Variants in RNF180 observed in about 807,000 individuals in gnomAD.
The protein encoded by RNF180 is E3 ubiquitin-protein ligase RNF180.
Under a neutral mutation model 59.2 loss-of-function variants are expected in RNF180, and 38 were observed. The ratio of observed to expected loss-of-function variants is 0.64; its 90% CI spans 0.50 to 0.84. RNF180 has a LOEUF of 0.84. Among genes scored for constraint, RNF180 ranks in the 40% least tolerant of loss-of-function variants. The probability of loss-of-function intolerance (pLI) is 0.00; values close to 1 mark genes in which losing one functional copy is unlikely to be tolerated. For missense variants in RNF180, 705 were observed against 700.9 expected, an observed-to-expected ratio of 1.01 and a Z score of -0.07; for synonymous variants, 262 against 240.3, an observed-to-expected ratio of 1.09 and a Z score of -0.84.
At chr5:64,246,885 G>C (rs377194497) in intron 5 of RNF180, among the ~76,000 whole-genome samples, 1 of 152,140 alleles carries the variant, frequency 6.6e-6, no homozygotes, top group Admixed American at 6.5e-5. Context: ...ACCGGAATCA[G>C]CAGCACATCA....
At chr5:64,308,702 AG>A (rs1662195943) in intron 5 of RNF180, among the ~76,000 whole-genome samples, 1 of 151,734 alleles carries the variant, frequency 6.6e-6, no homozygotes, top group Non-Finnish European at 1.5e-5. Context: ...AAAAATATAA[AG>A]GGGGATTTTT....
chr5:64,253,603 T>G (rs185291684), intron 5 of RNF180, among the ~76,000 whole-genome samples: 160 of 152,282 alleles, frequency 1.1e-3, no homozygotes, highest in African/African-American at 3.7e-3. Flanking sequence ...TTTTTTGTGC[T>G]TCATTCCATT....
intron 5 of RNF180, among the ~76,000 whole-genome samples, chr5:64,238,772 T>C (rs879608410): frequency 2.0e-5 from 3 of 152,200 alleles, no homozygotes; most frequent in Non-Finnish European, 2.9e-5. Flanking sequence ...ATGTTCTCCC[T>C]TTCTATAGAT....
intron 5 of RNF180, among the ~76,000 whole-genome samples, chr5:64,246,200 TA>T (rs1743151262): frequency 6.6e-6 from 1 of 151,832 alleles, no homozygotes; most frequent in African/African-American, 2.4e-5. Context: ...ACATCACAAT[TA>T]AAAGTACTAG....
intron 7 of RNF180, among the ~76,000 whole-genome samples, chr5:64,336,948 T>G (rs146541433): frequency 1.6e-4 from 24 of 152,228 alleles, no homozygotes; most frequent in African/African-American, 5.8e-4. Context: ...TTATTTAGGT[T>G]CTTCCCTATT....
At chr5:64,366,559 C>G in intron 7 of RNF180, among the ~76,000 whole-genome samples, 1 of 151,420 alleles carries the variant, frequency 6.6e-6, no homozygotes, top group East Asian at 1.9e-4. Flanking sequence ...GCTTCTCTCC[C>G]CATCTCTTTC....
intron 5 of RNF180, among the ~76,000 whole-genome samples, chr5:64,303,078 T>C (rs183930084): frequency 1.3e-5 from 2 of 151,800 alleles, no homozygotes; most frequent in Admixed American, 1.3e-4. Context: ...TGTTATAATA[T>C]CTGTTATGGT....
intron 5 of RNF180, among the ~76,000 whole-genome samples, chr5:64,317,420 G>T (rs2112497497): frequency 6.6e-6 from 1 of 152,108 alleles, no homozygotes; most frequent in East Asian, 1.9e-4. Flanking sequence ...ATTAGGAGAA[G>T]TGATGCCAAC....
chr5:64,279,327 T>G (rs903994411), intron 5 of RNF180, among the ~76,000 whole-genome samples: 2 of 152,200 alleles, frequency 1.3e-5, no homozygotes, highest in African/African-American at 4.8e-5. Flanking sequence ...ATTTTAATAG[T>G]GGGTACTGGG....
In RNF180 at chr5:64,234,655, C is replaced by T. The variant is rs1467859815; in HGVS notation, c.1227+17259C>T. ...CACTCTGTCGCCCAGGCTGGAGTGC[C>T]GTGGCGCCATCTTGGCTCACTGCAA... On this transcript the variant is annotated intron_variant, in intron 5 of 7. Coordinates refer to ENST00000389100, the MANE Select transcript of RNF180 (RefSeq NM_001113561.2). Among the ~76,000 whole-genome samples the T allele has an allele frequency of 5.8e-5, 7 of 119,696 alleles. No homozygotes were observed. In the East Asian group the frequency reaches 1.2e-3, roughly 20 times the overall value. 78.5% of individuals were successfully genotyped at this position (119,696 alleles called of 152,430 possible).
At chr5:64,241,126 C>A (rs533004670) in intron 5 of RNF180, among the ~76,000 whole-genome samples, 55 of 152,268 alleles carry the variant, frequency 3.6e-4, no homozygotes, top group Admixed American at 1.8e-3. Flanking sequence ...TGGAACTATG[C>A]AAATATAATA....
At chr5:64,196,222 G>T in intron 1 of RNF180, among the ~76,000 whole-genome samples, 1 of 150,988 alleles carries the variant, frequency 6.6e-6, no homozygotes. Context: ...TAACGCTTTC[G>T]GATGCTATAA....
intron 1 of RNF180, among the ~76,000 whole-genome samples, chr5:64,177,442 A>G (rs1750296600): frequency 7.0e-6 from 1 of 142,274 alleles, no homozygotes; most frequent in South Asian, 2.2e-4. Flanking sequence ...ATTGCTAGTT[A>G]TTTTCTGTGT....
chr5:64,315,046 AT>A lies in RNF180; in HGVS notation c.1228-10139del, dbSNP rs1188936311. On this transcript the variant is annotated intron_variant, in intron 5 of 7. Coordinates refer to ENST00000389100, the MANE Select transcript of RNF180 (RefSeq NM_001113561.2). ...TGCACTTTGAGTGGTTCATTTACCC[AT>A]GCATGATTTTTGTAACATCATGCAT... 1.1e-4 allele frequency among the ~76,000 whole-genome samples: 17 copies of A among 152,330 alleles called. No homozygotes were observed. In the East Asian group the frequency reaches 3.3e-3, roughly 29 times the overall value.
Position 64,213,974 on chromosome 5 carries a change from T to A in RNF180, c.648T>A (p.Thr216=), listed in dbSNP as rs779026140. The change falls in exon 4 of 8, where the codon ACT becomes ACA. Residue 216 remains threonine, a synonymous_variant. Coordinates refer to ENST00000389100, the MANE Select transcript of RNF180 (RefSeq NM_001113561.2). Reference sequence around the variant, plus strand: ...AGCTTTTTGTTCCCCAGCTTGTGACTGGCAGATGCGCTACAAGAGCTTTTC... The same window carrying A: ...AGCTTTTTGTTCCCCAGCTTGTGACAGGCAGATGCGCTACAAGAGCTTTTC... ...KYQLFVPQLV[T]GRCATRAFHR... is the part of the protein sequence containing the mutation. 2.5e-6 allele frequency: 4 copies of A among 1,614,108 alleles called. No individual in the cohort carries two copies. The highest frequency in any genetic ancestry group is 3.4e-6 in the Non-Finnish European group (4 of 1,179,986).
At chr5:64,235,206 C>T (rs989410005) in intron 5 of RNF180, among the ~76,000 whole-genome samples, 2 of 152,118 alleles carry the variant, frequency 1.3e-5, no homozygotes, top group African/African-American at 4.8e-5. Flanking sequence ...TCACTTGAGC[C>T]TGGGAGGTCA....
At chr5:64,207,281 T>G (rs1332334133) in intron 2 of RNF180, among the ~76,000 whole-genome samples, 1 of 152,080 alleles carries the variant, frequency 6.6e-6, no homozygotes. Flanking sequence ...GAGTAGGATA[T>G]AGATAGAATG....
intron 5 of RNF180, among the ~76,000 whole-genome samples, chr5:64,299,648 G>T (rs867850975): frequency 1.4e-4 from 22 of 151,924 alleles, no homozygotes; most frequent in Non-Finnish European, 2.4e-4. Flanking sequence ...CCTTACCCTA[G>T]AAGATTTTGA....
intron 5 of RNF180, among the ~76,000 whole-genome samples, chr5:64,273,739 A>G (rs1041758800): frequency 6.6e-6 from 1 of 152,026 alleles, no homozygotes; most frequent in Non-Finnish European, 1.5e-5. Flanking sequence ...GGAAGAAGAA[A>G]GAGGGAGGTC....
Sources: allele counts gnomAD v4.1 joint callset (sites outside exome capture counted in the v4.1 genomes callset), GRCh38; gene constraint gnomAD v4.1.1; transcripts MANE v1.5; gene names NCBI Gene and HGNC (gene_info 2026-07-23, HGNC 2026-07-21).